Variants in PDLIM2 observed in about 807,000 individuals in gnomAD.
PDLIM2 encodes PDZ and LIM domain protein 2.
Under a neutral mutation model 54.1 loss-of-function variants are expected in PDLIM2, and 51 were observed. The ratio of observed to expected loss-of-function variants is 0.94; its 90% CI spans 0.75 to 1.19. PDLIM2 has a LOEUF of 1.19. PDLIM2 is among the 50% of genes most tolerant of loss of function. The pLI, the probability that PDLIM2 is intolerant of heterozygous loss-of-function variation, is 0.00. For missense variants in PDLIM2, 912 were observed against 874.0 expected, an observed-to-expected ratio of 1.04 and a Z score of -0.55; for synonymous variants, 398 against 385.6, an observed-to-expected ratio of 1.03 and a Z score of -0.38.
At position 22,589,577 on chromosome 8, in the gene PDLIM2, G is replaced by T. The variant is rs1800476914; in HGVS notation, c.1368-19G>T. On this transcript the variant is annotated intron_variant, in intron 7 of 9. Transcript: ENST00000308354. ...CTCCGGCACGGGACCCTCATTCCTGGCTGCCTCCCACCCTGCAGCATGGAC... is the reference window on the plus strand; with the variant it reads ...CTCCGGCACGGGACCCTCATTCCTGTCTGCCTCCCACCCTGCAGCATGGAC... 6.3e-7 allele frequency: 1 copy of T among 1,598,546 alleles called. No individual in the cohort carries two copies. Among genetic ancestry groups the T allele is most frequent in the East Asian group, 2.3e-5 (1 of 44,220 alleles).
At chr8:22,589,879 C>A (rs773841769) in intron 8 of PDLIM2, 138 bp downstream of exon 7, 19 of 1,235,774 alleles carry the variant, frequency 1.5e-5, no homozygotes, top group Admixed American at 2.5e-5. Context: ...CCGAGCAGAG[C>A]GCGAAGCCCC....
downstream of PDLIM2, chr8:22,594,943 A>C: frequency 3.5e-6 from 1 of 288,516 alleles, no homozygotes. Context: ...ACACAAAAAC[A>C]AATGAATGCA....
intron 2 of PDLIM2, chr8:22,580,963 C>T (rs988375670): frequency 3.0e-6 from 2 of 671,110 alleles, no homozygotes; most frequent in Non-Finnish European, 5.6e-6. Flanking sequence ...CACTTGCAGG[C>T]AGCCATTTGG....
At chr8:22,591,777 G>A (rs1800557713) in intron 9 of PDLIM2, 109 bp downstream of exon 8, 1 of 1,036,550 alleles carries the variant, frequency 9.6e-7, no homozygotes, top group Admixed American at 2.7e-5. Context: ...GCTAGCACTG[G>A]GTACCCAGTC....
chr8:22,591,347 C>T (rs1800540784), intron 8 of PDLIM2: 3 of 608,830 alleles, frequency 4.9e-6, no homozygotes, highest in South Asian at 3.8e-5. Flanking sequence ...CAAACTCGGC[C>T]TTGTACCTGC....
chr8:22,582,915 C>CCT (rs1800252950), intron 3 of PDLIM2, among the ~76,000 whole-genome samples: 1 of 110,844 alleles, frequency 9.0e-6, no homozygotes, highest in Admixed American at 9.3e-5. Context: ...GCCCACCCCC[C>CCT]CCCCCGCCCC....
intron 8 of PDLIM2, 130 bp downstream of exon 7, chr8:22,589,871 G>T (rs867427189): frequency 9.3e-5 from 122 of 1,312,334 alleles, no homozygotes; most frequent in Non-Finnish European, 1.2e-4. Flanking sequence ...GCACGGAGCC[G>T]AGCAGAGCGC....
exon 4 of PDLIM2, chr8:22,584,867 G>A (rs1800324057): frequency 6.2e-7 from 1 of 1,614,050 alleles, no homozygotes. Context: ...CAGCTCCTTG[G>A]AAGTGCTGGC....
exon 1 of PDLIM2, chr8:22,579,144 G>C (rs1387808967): frequency 1.5e-6 from 2 of 1,318,290 alleles, no homozygotes; most frequent in Admixed American, 7.9e-5. Flanking sequence ...TCGGGTAGAC[G>C]GCAGCGGGAG....
intron 6 of PDLIM2, among the ~76,000 whole-genome samples, chr8:22,587,459 T>C (rs1283165782): frequency 6.6e-6 from 1 of 152,094 alleles, no homozygotes; most frequent in East Asian, 1.9e-4. Flanking sequence ...TATCCTAAAC[T>C]TGTTGAACAG....
At chr8:22,580,526 TC>T in intron 1 of PDLIM2, 6 of 1,608,782 alleles carry the variant, frequency 3.7e-6, no homozygotes, top group Non-Finnish European at 5.1e-6. Flanking sequence ...TCCCTTTGGC[TC>T]CTCTCCTGCT....
chr8:22,579,633 G>A (rs1586917024), intron 1 of PDLIM2: 1 of 1,256,246 alleles, frequency 8.0e-7, no homozygotes, highest in Non-Finnish European at 1.0e-6. Context: ...AGCCGGGGAT[G>A]GAGCGGACAG....
At chr8:22,584,774 A>G (rs4872003) in intron 3 of PDLIM2, 47 bp from the exon 3 acceptor site, 945,064 of 1,588,594 alleles carry the variant, frequency 0.59, 281,869 homozygotes, top group South Asian at 0.64. Flanking sequence ...TGGGGGTTGC[A>G]GGGTGCAGGG....
At chr8:22,580,763 A>G in intron 2 of PDLIM2, 66 bp downstream of exon 1, 1 of 1,500,700 alleles carries the variant, frequency 6.7e-7, no homozygotes, top group Non-Finnish European at 9.2e-7. Context: ...TGTTCACCCC[A>G]CTCTGCACAG....
chr8:22,580,517 C>A (rs1477974439), intron 1 of PDLIM2: 3 of 1,604,766 alleles, frequency 1.9e-6, no homozygotes, highest in Non-Finnish European at 8.5e-7. Context: ...CTCTCCTTCT[C>A]CCTTTGGCTC....
exon 8 of PDLIM2, chr8:22,589,685 C>T: frequency 1.3e-6 from 2 of 1,575,178 alleles, no homozygotes; most frequent in Non-Finnish European, 8.6e-7. Context: ...CGGGCGGCCC[C>T]CCGACAGTCC....
exon 5 of PDLIM2, chr8:22,585,102 G>A (rs768454501): frequency 1.3e-5 from 21 of 1,613,812 alleles, no homozygotes; most frequent in Non-Finnish European, 1.6e-5. Flanking sequence ...AGGGCCGGCA[G>A]CCCCTTCTCA....
chr8:22,592,585 A>T (rs746603934), intron 9 of PDLIM2: 23 of 152,216 alleles, frequency 1.5e-4, no homozygotes, highest in Non-Finnish European at 3.2e-4. Context: ...CCTGCTGTGC[A>T]GAGATAGGGA....
At chr8:22,578,774 C>T (rs1011856371) in exon 1 of PDLIM2, 12 of 1,233,914 alleles carry the variant, frequency 9.7e-6, no homozygotes, top group Non-Finnish European at 1.2e-5. Flanking sequence ...TGCCCAGGAC[C>T]TGGGGATGCG....
Sources: gnomAD v4.1 joint callset for allele counts (sites outside exome capture counted in the v4.1 genomes callset) on GRCh38, gnomAD v4.1.1 for gene constraint, MANE v1.5 for transcripts, NCBI Gene and HGNC (gene_info 2026-07-23, HGNC 2026-07-21) for gene names.